AGR3: variants seen among roughly 807,000 people sequenced by gnomAD.
The protein encoded by AGR3 is anterior gradient protein 3.
A neutral mutation model predicts 24.5 loss-of-function variants in AGR3; 37 were observed. The ratio of observed to expected loss-of-function variants is 1.51; its 90% CI spans 1.16 to 1.99. AGR3 has a LOEUF of 1.99. Ranked by LOEUF, AGR3 falls within the 30% of genes most tolerant of loss-of-function variation. The pLI is 0.00. For missense variants in AGR3, 228 were observed against 191.1 expected, an observed-to-expected ratio of 1.19 and a Z score of -1.14; for synonymous variants, 75 against 61.6, an observed-to-expected ratio of 1.22 and a Z score of -1.02.
At chr7:16,854,755 G>A (rs1321370586), downstream of AGR3, among the ~76,000 whole-genome samples, 1 of 152,178 alleles carries the variant, frequency 6.6e-6, no homozygotes, top group Non-Finnish European at 1.5e-5. Context: ...GGCAGGGTTG[G>A]TTCCTTCCGA....
Position 16,861,467 on chromosome 7 carries a change from A to C in AGR3, c.304-20T>G, listed in dbSNP as rs1213551585. 6.3e-7 allele frequency: 1 copy of C among 1,590,302 alleles called. No homozygotes were observed. Among genetic ancestry groups the C allele is most frequent in the African/African-American group, 1.4e-5 (1 of 73,942 alleles). On this transcript the variant is annotated intron_variant, in intron 5 of 7. Coordinates refer to ENST00000310398, the MANE Select transcript of AGR3 (RefSeq NM_176813.5). Reference sequence around the variant, plus strand: ...TTCATGCTAGCAGGAGAAGAAAAAAAAAGAATGTTATTGGATTCATTTGTT... The same window carrying C: ...TTCATGCTAGCAGGAGAAGAAAAAACAAGAATGTTATTGGATTCATTTGTT...
intron 5 of AGR3, 95 bp downstream of exon 5, chr7:16,861,889 A>G (rs1781651584): frequency 8.9e-7 from 1 of 1,118,306 alleles, no homozygotes; most frequent in African/African-American, 1.7e-5. Context: ...TGACAGAGCG[A>G]GACTCTGTCT....
At chr7:16,868,196 C>T (rs1357393832) in intron 3 of AGR3, among the ~76,000 whole-genome samples, 1 of 151,706 alleles carries the variant, frequency 6.6e-6, no homozygotes, top group Non-Finnish European at 1.5e-5. Context: ...GCTCTTGTTG[C>T]CCAGGCTGGA....
At chr7:16,868,357 G>A (rs900676229) in intron 3 of AGR3, among the ~76,000 whole-genome samples, 5 of 152,106 alleles carry the variant, frequency 3.3e-5, no homozygotes, top group Admixed American at 2.6e-4. Context: ...GTTTCTCCAT[G>A]TTGGTCAGGC....
At chr7:16,875,840 C>G (rs1314278269) in intron 2 of AGR3, among the ~76,000 whole-genome samples, 1 of 152,118 alleles carries the variant, frequency 6.6e-6, no homozygotes, top group African/African-American at 2.4e-5. Context: ...TGTAATAATC[C>G]TGAAAGATTC....
rs181850106 is a variant in AGR3, at chr7:16,878,759, G to A, written c.-27-114C>T. ...GATGACAGACTGTTCAGCTTTTTTG[G>A]TTTGACATGGTATAACCAACCACAT... On this transcript the variant is annotated intron_variant, in intron 1 of 7. Coordinates refer to ENST00000310398, the MANE Select transcript of AGR3 (RefSeq NM_176813.5). The A allele has an allele frequency of 3.4e-4, 238 of 701,530 alleles. No homozygotes were observed. The African/African-American group carries it at 4.0e-3, about 12-fold the overall frequency. 43.5% of individuals were successfully genotyped at this position (701,530 alleles called of 1,614,324 possible). A position where few individuals can be genotyped will look rare whatever the true frequency, so the allele number is the denominator to read the frequency against.
At chr7:16,863,316 A>G (rs552095401) in intron 3 of AGR3, among the ~76,000 whole-genome samples, 1 of 152,318 alleles carries the variant, frequency 6.6e-6, no homozygotes, top group African/African-American at 2.4e-5. Context: ...TTTTACATTT[A>G]GTTTTTTAAA....
At chr7:16,858,146 C>A (rs960134095), downstream of AGR3, among the ~76,000 whole-genome samples, 1 of 151,984 alleles carries the variant, frequency 6.6e-6, no homozygotes, top group South Asian at 2.1e-4. Context: ...CACCACCATG[C>A]CTGGCTAATT....
chr7:16,860,388 A>T, intron 7 of AGR3, 112 bp downstream of exon 7: 3 of 819,622 alleles, frequency 3.7e-6, no homozygotes, highest in Non-Finnish European at 6.2e-6. Flanking sequence ...AAACACCACC[A>T]CTAGCCTCAG....
intron 4 of AGR3, 92 bp from the exon 5 acceptor site, chr7:16,862,152 T>G: frequency 1.0e-6 from 1 of 994,894 alleles, no homozygotes; most frequent in Non-Finnish European, 1.6e-6. Flanking sequence ...TAGCATTTGT[T>G]TGCATATATA....
At chr7:16,865,318 C>CTCT in intron 3 of AGR3, 1 of 1,172,786 alleles carries the variant, frequency 8.5e-7, no homozygotes, top group South Asian at 1.3e-5. Flanking sequence ...CTCATATCAC[C>CTCT]AGAACATCCT....
In AGR3 at chr7:16,880,165, C is replaced by CCTTT. The variant is rs1227496373; in HGVS notation, c.-27-1524_-27-1521dup. On this transcript the variant is annotated intron_variant, in intron 1 of 7. Transcript: ENST00000310398. Reference sequence around the variant, plus strand: ...CTCTTTCTTTCTTTTCTTTCTCTCTCCTTTCTTTCTTTTTTTTTTTTTTTT... The same window carrying CCTTT: ...CTCTTTCTTTCTTTTCTTTCTCTCTCCTTTCTTTCTTTCTTTTTTTTTTTTTTTT... Among the ~76,000 whole-genome samples, 15 of 142,484 alleles carry CCTTT rather than the reference C, an allele frequency of 1.1e-4. No homozygotes were observed. In the East Asian group the frequency reaches 2.6e-3, roughly 25 times the overall value. The allele number at this position is 142,484 out of a possible 152,430, so 93.5% of individuals were successfully genotyped here.
intron 4 of AGR3, among the ~76,000 whole-genome samples, 193 bp from the exon 5 acceptor site, chr7:16,862,253 C>G (rs968679442): frequency 6.6e-6 from 1 of 152,152 alleles, no homozygotes; most frequent in Non-Finnish European, 1.5e-5. Context: ...AAGGAGACAT[C>G]AAAGGATAAT....
chr7:16,878,907 A>G (rs1261787389), intron 1 of AGR3, among the ~76,000 whole-genome samples: 2 of 152,240 alleles, frequency 1.3e-5, no homozygotes, highest in Non-Finnish European at 2.9e-5. Flanking sequence ...GAGCTGGATC[A>G]GGGCACACGA....
intron 3 of AGR3, chr7:16,864,855 A>G: frequency 2.3e-6 from 2 of 866,648 alleles, no homozygotes; most frequent in Non-Finnish European, 4.0e-6. Flanking sequence ...AAGAGCGTGT[A>G]TTCCAGTCAC....
intron 1 of AGR3, among the ~76,000 whole-genome samples, chr7:16,879,447 A>C (rs1782061019): frequency 6.6e-6 from 1 of 152,228 alleles, no homozygotes; most frequent in Admixed American, 6.5e-5. Flanking sequence ...CACTTGATAA[A>C]TATATTACAG....
chr7:16,880,230 C>T (rs547890793), intron 1 of AGR3, among the ~76,000 whole-genome samples: 17 of 148,900 alleles, frequency 1.1e-4, no homozygotes, highest in Middle Eastern at 3.5e-3. Flanking sequence ...GGGCCATCTC[C>T]ACTCACTGCA....
chr7:16,862,177 A>G, intron 4 of AGR3, 117 bp from the exon 5 acceptor site: 1 of 774,094 alleles, frequency 1.3e-6, no homozygotes, highest in South Asian at 1.7e-5. Flanking sequence ...AGGTGTAAAT[A>G]TTAATAGTTC....
At chr7:16,856,604 A>T (rs1166105434), downstream of AGR3, among the ~76,000 whole-genome samples, 2 of 152,188 alleles carry the variant, frequency 1.3e-5, no homozygotes, top group African/African-American at 4.8e-5. Context: ...TGAATGTACA[A>T]CTTTTTTGAC....
Sources: allele counts gnomAD v4.1 joint callset (sites outside exome capture counted in the v4.1 genomes callset), GRCh38; gene constraint gnomAD v4.1.1; transcripts MANE v1.5; gene names NCBI Gene and HGNC (gene_info 2026-07-23, HGNC 2026-07-21).